Variants in DOK5 observed in about 807,000 individuals in gnomAD.
DOK5 encodes the protein docking protein 5, also known as downstream of tyrosine kinase 5.
DOK5 carries 27 observed loss-of-function variants against 43.3 expected under a neutral mutation model. The observed-to-expected ratio is 0.62, with a 90% CI of 0.46 to 0.86. The LOEUF (loss-of-function observed/expected upper bound fraction) is 0.86, where lower values mean the gene tolerates loss of function less well. DOK5 is among the 40% of genes least tolerant of loss of function. The pLI, the probability that DOK5 is intolerant of heterozygous loss-of-function variation, is 0.00. For synonymous variants in DOK5, 146 were observed against 140.1 expected (o/e 1.04, Z -0.30); for missense variants, 373 against 392.9 (o/e 0.95, Z 0.43).
intron 2 of DOK5, among the ~76,000 whole-genome samples, chr20:54,577,202 G>A (rs76666305): frequency 0.018 from 2,793 of 152,196 alleles, 86 homozygotes; most frequent in African/African-American, 0.064. Flanking sequence ...TCCTTGTAAT[G>A]GGTTTAATAA....
chr20:54,572,992 G>A (rs1158277118), intron 2 of DOK5, among the ~76,000 whole-genome samples: 12 of 152,204 alleles, frequency 7.9e-5, no homozygotes, highest in African/African-American at 2.4e-4. Context: ...TGTGGATTTG[G>A]TGGCAAACAC....
chr20:54,503,669 T>G (rs1982695934), intron 1 of DOK5, among the ~76,000 whole-genome samples: 1 of 152,188 alleles, frequency 6.6e-6, no homozygotes, highest in Non-Finnish European at 1.5e-5. Context: ...GCTGCATAAA[T>G]TGGAGCTCCT....
Position 54,487,327 on chromosome 20 carries a change from C to T in DOK5, c.66+11315C>T, listed in dbSNP as rs114570142. Among the ~76,000 whole-genome samples the T allele has an allele frequency of 2.7e-3, 409 of 152,252 alleles. 2 individuals carry two copies. The highest frequency in any genetic ancestry group is 9.2e-3 in the African/African-American group (382 of 41,536). The stretch of plus-strand genomic sequence containing the variant: ...GTGCAGAGTGTTCAGCTCACAGCGT[C>T]ATGTTTCATTGCACTGATTAACTTT... On this transcript the variant is annotated intron_variant, in intron 1 of 7. Coordinates refer to ENST00000262593, the MANE Select transcript of DOK5 (RefSeq NM_018431.5).
At chr20:54,483,693 C>T (rs1410542212) in intron 1 of DOK5, among the ~76,000 whole-genome samples, 6 of 152,172 alleles carry the variant, frequency 3.9e-5, no homozygotes, top group East Asian at 1.9e-4. Flanking sequence ...GATTATGGTG[C>T]GACCCCCCCG....
chr20:54,551,151 T>C (rs1984517073), intron 1 of DOK5, among the ~76,000 whole-genome samples: 1 of 152,212 alleles, frequency 6.6e-6, no homozygotes, highest in Non-Finnish European at 1.5e-5. Flanking sequence ...TCAGAGGCAG[T>C]GATATTGAAC....
At chr20:54,499,760 A>T (rs1358063942) in intron 1 of DOK5, among the ~76,000 whole-genome samples, 2 of 152,352 alleles carry the variant, frequency 1.3e-5, no homozygotes, top group East Asian at 3.9e-4. Context: ...GCAATACAGC[A>T]TAATGGTTAA....
intron 6 of DOK5, among the ~76,000 whole-genome samples, chr20:54,632,172 A>G (rs1978603961): frequency 6.6e-6 from 1 of 152,158 alleles, no homozygotes; most frequent in Admixed American, 6.5e-5. Context: ...TGTTCCTGCA[A>G]TGGTTCCATG....
At chr20:54,628,526 A>T (rs1053113541) in intron 6 of DOK5, among the ~76,000 whole-genome samples, 1 of 150,418 alleles carries the variant, frequency 6.6e-6, no homozygotes, top group Non-Finnish European at 1.5e-5. Flanking sequence ...GAACTGATGC[A>T]CAGGACTCTG....
At chr20:54,567,532 A>T (rs1295321764) in intron 2 of DOK5, among the ~76,000 whole-genome samples, 2 of 152,066 alleles carry the variant, frequency 1.3e-5, no homozygotes, top group East Asian at 3.9e-4. Flanking sequence ...ATTCTTTTCC[A>T]TTGATCTGTA....
chr20:54,571,411 T>C (rs761976539), intron 2 of DOK5, among the ~76,000 whole-genome samples: 3 of 152,104 alleles, frequency 2.0e-5, no homozygotes, highest in Non-Finnish European at 4.4e-5. Flanking sequence ...GAGATTCCAT[T>C]TGAGTGGTGC....
intron 1 of DOK5, among the ~76,000 whole-genome samples, chr20:54,518,676 T>G (rs1387168166): frequency 6.6e-6 from 1 of 152,174 alleles, no homozygotes; most frequent in Non-Finnish European, 1.5e-5. Context: ...TATTTCTAGT[T>G]CTAGATCCCT....
intron 5 of DOK5, among the ~76,000 whole-genome samples, chr20:54,602,379 C>A (rs746983663): frequency 6.6e-6 from 1 of 152,164 alleles, no homozygotes; most frequent in Non-Finnish European, 1.5e-5. Flanking sequence ...CCAGACATAG[C>A]TCCACATCAC....
At chr20:54,599,708 A>G (rs1406982163) in intron 5 of DOK5, among the ~76,000 whole-genome samples, 1 of 152,218 alleles carries the variant, frequency 6.6e-6, no homozygotes, top group East Asian at 1.9e-4. Flanking sequence ...GCCATCTTTA[A>G]TGTAGGTGAT....
Position 54,479,287 on chromosome 20 carries a change from A to G in DOK5, c.66+3275A>G, listed in dbSNP as rs537001459. On this transcript the variant is annotated intron_variant, in intron 1 of 7. Transcript: ENST00000262593. ...AAAGTTTCAGTATCTTCACATCTGT[A>G]TTCCCCAGCTTAATCCCCATTGTTT... Among the ~76,000 whole-genome samples the G allele has an allele frequency of 1.5e-4, 23 of 152,324 alleles. No homozygotes were observed. In the South Asian group the frequency reaches 3.1e-3, roughly 21 times the overall value.
At chr20:54,572,203 C>A (rs1985305385) in intron 2 of DOK5, among the ~76,000 whole-genome samples, 1 of 151,762 alleles carries the variant, frequency 6.6e-6, no homozygotes, top group Non-Finnish European at 1.5e-5. Flanking sequence ...CTCTGTTGCC[C>A]AGGCTGGAGT....
At chr20:54,517,273 C>T (rs1010168649) in intron 1 of DOK5, among the ~76,000 whole-genome samples, 2 of 152,132 alleles carry the variant, frequency 1.3e-5, no homozygotes, top group Admixed American at 6.6e-5. Context: ...TCTGAATAAT[C>T]GGCATAGGTA....
chr20:54,643,419 A>C, intron 6 of DOK5, 39 bp from the exon 7 acceptor site: 1 of 1,608,532 alleles, frequency 6.2e-7, no homozygotes, highest in Non-Finnish European at 8.5e-7. Context: ...TTTCGGCCCC[A>C]GTGTTGCTGA....
chr20:54,564,565 A>ATGTT (rs1468740918), intron 2 of DOK5, among the ~76,000 whole-genome samples: 1 of 152,210 alleles, frequency 6.6e-6, no homozygotes, highest in Non-Finnish European at 1.5e-5. Flanking sequence ...GGAAAGCTGA[A>ATGTT]TGTTTTATAT....
At chr20:54,626,075 G>C (rs1049184838) in intron 6 of DOK5, among the ~76,000 whole-genome samples, 1 of 152,172 alleles carries the variant, frequency 6.6e-6, no homozygotes, top group Non-Finnish European at 1.5e-5. Context: ...TCAACTAGCT[G>C]TCTGACCAGA....
Sources: gnomAD v4.1 joint callset for allele counts (sites outside exome capture counted in the v4.1 genomes callset) on GRCh38, gnomAD v4.1.1 for gene constraint, MANE v1.5 for transcripts, NCBI Gene and HGNC (gene_info 2026-07-23, HGNC 2026-07-21) for gene names.